Variants in CHSY1 observed in about 807,000 individuals in gnomAD.
The protein encoded by CHSY1 is chondroitin sulfate synthase 1.
A neutral mutation model predicts 59.8 loss-of-function variants in CHSY1; 13 were observed. The ratio of observed to expected loss-of-function variants is 0.22; its 90% confidence interval spans 0.14 to 0.35. The LOEUF is 0.35. Ranked by LOEUF, CHSY1 falls within the 10% of genes least tolerant of loss-of-function variation. The probability of loss-of-function intolerance (pLI) is 1.00; values close to 1 mark genes in which losing one functional copy is unlikely to be tolerated. For synonymous variants in CHSY1, 459 were observed against 401.2 expected (o/e 1.14, Z -1.72); for missense variants, 947 against 1,030.6 (o/e 0.92, Z 1.11).
Position 101,178,745 on chromosome 15 carries a change from T to G in CHSY1, c.1052A>C (p.Lys351Thr). ...MSKYSNTEIH[K>T]EDLQLGIPPS... Reference sequence around the variant, plus strand: ...AGGGATTCCCAGCTGGAGGTCCTCTTTATGAATTTCTGTGTTGCTGTATTT... The same window carrying G: ...AGGGATTCCCAGCTGGAGGTCCTCTGTATGAATTTCTGTGTTGCTGTATTT... The change falls in exon 3 of 3, where the codon AAA becomes ACA. Residue 351 changes from lysine to threonine, a missense_variant. This residue lies in a region of CHSY1 where 602 missense variants were observed against 676.9 expected (regional missense o/e 0.89). Coordinates refer to ENST00000254190, the MANE Select transcript of CHSY1 (RefSeq NM_014918.5). 1 of 1,614,194 alleles carries G rather than the reference T, an allele frequency of 6.2e-7. No homozygotes were observed.
rs540054277 is a variant in CHSY1, at chr15:101,184,880, G to C, written c.817-5900C>G. ...GTATATAAACAATTCAGACAGAGAA[G>C]TTCCTACCTGACAGACTGGGTGGAA... is the stretch of plus-strand genomic sequence containing the variant. On this transcript the variant is annotated intron_variant, in intron 2 of 2. Transcript: ENST00000254190. 1.2e-4 allele frequency among the ~76,000 whole-genome samples: 18 copies of C among 152,284 alleles called. No homozygotes were observed. The South Asian group carries it at 3.3e-3, about 28-fold the overall frequency.
intron 1 of CHSY1, among the ~76,000 whole-genome samples, chr15:101,248,077 G>A (rs534678561): frequency 1.4e-4 from 21 of 151,972 alleles, no homozygotes; most frequent in Admixed American, 4.6e-4. Flanking sequence ...TACAGTTTTC[G>A]ATAAGATGAA....
chr15:101,185,929 T>C (rs548139820), intron 2 of CHSY1, among the ~76,000 whole-genome samples: 1 of 151,942 alleles, frequency 6.6e-6, no homozygotes, highest in East Asian at 1.9e-4. Flanking sequence ...TCCCTCATAT[T>C]ATGGGCTACG....
intron 1 of CHSY1, among the ~76,000 whole-genome samples, chr15:101,249,510 ATTTTTT>A (rs34753057): frequency 4.4e-5 from 5 of 113,064 alleles, no homozygotes; most frequent in Admixed American, 4.0e-4. Context: ...GATAGATAGA[ATTTTTT>A]TTTTTTTTTT....
chr15:101,204,510 ATAT>A (rs927290534), intron 2 of CHSY1, among the ~76,000 whole-genome samples: 18 of 151,676 alleles, frequency 1.2e-4, no homozygotes, highest in Admixed American at 7.2e-4. Flanking sequence ...GATGTGGTAA[ATAT>A]TAATAATCAG....
intron 2 of CHSY1, among the ~76,000 whole-genome samples, chr15:101,226,886 T>C (rs577206446): frequency 6.6e-6 from 1 of 152,346 alleles, no homozygotes; most frequent in South Asian, 2.1e-4. Flanking sequence ...GTAATTCATC[T>C]AATTATAAAA....
chr15:101,196,614 T>C (rs2038509792), intron 2 of CHSY1, among the ~76,000 whole-genome samples: 1 of 152,168 alleles, frequency 6.6e-6, no homozygotes, highest in Non-Finnish European at 1.5e-5. Context: ...GACTAGACTA[T>C]AAACTATATA....
Position 101,176,090 on chromosome 15 carries a change from G to A in CHSY1, c.*1298C>T. On this transcript the variant is annotated 3_prime_UTR_variant, in exon 3 of 3. Coordinates refer to ENST00000254190, the MANE Select transcript of CHSY1 (RefSeq NM_014918.5). ...GTAAGGAATATAAAAATTAAGGAGG[G>A]GAAAAAGCGTTTCCAAAAGGAAATC... 1 of 396,324 alleles carries A rather than the reference G, an allele frequency of 2.5e-6. No homozygotes were observed. Among genetic ancestry groups the A allele is most frequent in the Non-Finnish European group, 4.4e-6 (1 of 224,990 alleles). 24.6% of individuals were successfully genotyped at this position (396,324 alleles called of 1,614,324 possible). A position where few individuals can be genotyped will look rare whatever the true frequency, so the allele number is the denominator to read the frequency against.
intron 2 of CHSY1, among the ~76,000 whole-genome samples, chr15:101,198,460 C>T (rs1473416215): frequency 6.6e-6 from 1 of 152,212 alleles, no homozygotes; most frequent in Non-Finnish European, 1.5e-5. Flanking sequence ...ACATTAAACA[C>T]GGGAACCCAT....
intron 2 of CHSY1, among the ~76,000 whole-genome samples, chr15:101,195,775 A>C (rs1421131560): frequency 6.7e-6 from 1 of 148,834 alleles, no homozygotes; most frequent in East Asian, 2.0e-4. Context: ...CAGTGAGCCG[A>C]GATAGTGCCA....
At chr15:101,200,951 C>T (rs1201355247) in intron 2 of CHSY1, among the ~76,000 whole-genome samples, 5 of 152,170 alleles carry the variant, frequency 3.3e-5, no homozygotes, top group Admixed American at 2.0e-4. Context: ...GGTTCTCCCT[C>T]GCCATGTGTG....
chr15:101,187,585 A>C (rs113760776), intron 2 of CHSY1: 41 of 152,384 alleles, frequency 2.7e-4, no homozygotes, highest in Middle Eastern at 3.4e-3. Flanking sequence ...TCAATAATCT[A>C]TAATTTGGCA....
intron 2 of CHSY1, among the ~76,000 whole-genome samples, chr15:101,191,127 C>T (rs539770897): frequency 2.0e-5 from 3 of 152,294 alleles, no homozygotes; most frequent in African/African-American, 7.2e-5. Flanking sequence ...TGGGCGTTTC[C>T]AGCACTTTTG....
intron 1 of CHSY1, among the ~76,000 whole-genome samples, chr15:101,241,696 T>C (rs2039003199): frequency 6.6e-6 from 1 of 152,112 alleles, no homozygotes; most frequent in Non-Finnish European, 1.5e-5. Flanking sequence ...CACTATTACA[T>C]GTGCTGTCTG....
At chr15:101,184,821 T>G (rs1186800422) in intron 2 of CHSY1, among the ~76,000 whole-genome samples, 1 of 152,180 alleles carries the variant, frequency 6.6e-6, no homozygotes, top group East Asian at 1.9e-4. Flanking sequence ...GAGGAGTTAC[T>G]TTTATTAATT....
In CHSY1 at chr15:101,178,642, A is replaced by G; in HGVS notation, c.1155T>C (p.Tyr385=). The part of the protein sequence containing the change: ...EWEFLTGKYL[Y]SAVDGQPPRR... The stretch of plus-strand genomic sequence containing the variant: ...GAGGGGGCTGGCCGTCAACTGCCGA[A>G]TACAAGTATTTTCCAGTCAGAAACT... Residue 385 remains tyrosine, a synonymous_variant, in exon 3 of 3, where the codon TAT becomes TAC. Coordinates refer to ENST00000254190, the MANE Select transcript of CHSY1 (RefSeq NM_014918.5). 2.5e-6 allele frequency: 4 copies of G among 1,614,212 alleles called. No individual in the cohort carries two copies. Among genetic ancestry groups the G allele is most frequent in the Non-Finnish European group, 3.4e-6 (4 of 1,180,040 alleles).
At chr15:101,237,863 T>C (rs1404034013) in intron 1 of CHSY1, among the ~76,000 whole-genome samples, 1 of 152,254 alleles carries the variant, frequency 6.6e-6, no homozygotes, top group Non-Finnish European at 1.5e-5. Context: ...AAAGCAGTTA[T>C]CAAATGATGT....
chr15:101,200,734 T>A (rs1452306596), intron 2 of CHSY1, among the ~76,000 whole-genome samples: 1 of 152,170 alleles, frequency 6.6e-6, no homozygotes, highest in Non-Finnish European at 1.5e-5. Flanking sequence ...AGAAATCTCT[T>A]AGGTCTCCTC....
chr15:101,191,638 G>T (rs1219667945), intron 2 of CHSY1, among the ~76,000 whole-genome samples: 1 of 152,208 alleles, frequency 6.6e-6, no homozygotes, highest in Non-Finnish European at 1.5e-5. Context: ...GGTACAAGGT[G>T]TCCATATTGG....
Sources: allele counts gnomAD v4.1 joint callset (sites outside exome capture counted in the v4.1 genomes callset), GRCh38; gene constraint gnomAD v4.1.1; regional missense constraint gnomAD v4.1.1; transcripts MANE v1.5; gene names NCBI Gene and HGNC (gene_info 2026-07-23, HGNC 2026-07-21).